PARD3: variants seen among roughly 807,000 people sequenced by gnomAD.
The protein encoded by PARD3 is par-3 family cell polarity regulator, also known as partitioning defective 3 homolog.
Under a neutral mutation model 155.4 loss-of-function variants are expected in PARD3, and 75 were observed. That is an observed-to-expected ratio of 0.48 (90% CI 0.40 to 0.58). PARD3 has a LOEUF of 0.58. PARD3 is among the 20% of genes least tolerant of loss of function. The pLI is 0.00. For missense variants in PARD3, 1,642 were observed against 1,721.7 expected, an observed-to-expected ratio of 0.95 and a Z score of 0.82; for synonymous variants, 576 against 610.5, an observed-to-expected ratio of 0.94 and a Z score of 0.83.
intron 20 of PARD3, among the ~76,000 whole-genome samples, chr10:34,284,960 A>G (rs1489716328): frequency 6.6e-6 from 1 of 152,216 alleles, no homozygotes; most frequent in African/African-American, 2.4e-5. Flanking sequence ...ATGGGTGCTG[A>G]GCTCTTTAAG....
chr10:34,153,488 G>A (rs1948869998), intron 22 of PARD3, among the ~76,000 whole-genome samples: 1 of 152,120 alleles, frequency 6.6e-6, no homozygotes, highest in South Asian at 2.1e-4. Flanking sequence ...GACAATTGAA[G>A]TCCTTAATGT....
chr10:34,789,124 C>T (rs1484765461), intron 1 of PARD3, among the ~76,000 whole-genome samples: 6 of 152,128 alleles, frequency 3.9e-5, no homozygotes, highest in South Asian at 2.1e-4. Context: ...AAGTGCTATA[C>T]GACCTCTAAA....
intron 20 of PARD3, among the ~76,000 whole-genome samples, chr10:34,315,165 T>C (rs1274086968): frequency 6.6e-6 from 1 of 152,184 alleles, no homozygotes; most frequent in Non-Finnish European, 1.5e-5. Flanking sequence ...AGGCTGTAGA[T>C]AATGATCTAG....
intron 2 of PARD3, among the ~76,000 whole-genome samples, chr10:34,582,851 A>G (rs2087620834): frequency 1.3e-5 from 2 of 152,244 alleles, no homozygotes; most frequent in African/African-American, 4.8e-5. Context: ...AAAGCATCCT[A>G]AAAGGGAAAC....
chr10:34,296,959 C>T (rs1304595893), intron 20 of PARD3, among the ~76,000 whole-genome samples: 1 of 152,126 alleles, frequency 6.6e-6, no homozygotes, highest in African/African-American at 2.4e-5. Context: ...AACTGACCAA[C>T]AAACAAGACC....
intron 1 of PARD3, among the ~76,000 whole-genome samples, chr10:34,782,515 CACA>C (rs1184893370): frequency 6.6e-6 from 1 of 152,290 alleles, no homozygotes; most frequent in Non-Finnish European, 1.5e-5. Context: ...CTTTAATCCT[CACA>C]ACGACATCAA....
intron 1 of PARD3, among the ~76,000 whole-genome samples, chr10:34,763,824 T>C (rs1003940481): frequency 6.6e-6 from 1 of 152,226 alleles, no homozygotes; most frequent in Non-Finnish European, 1.5e-5. Flanking sequence ...CCACCATGTA[T>C]ACTGGGTAGA....
chr10:34,338,031 G>A (rs562264766), intron 16 of PARD3, among the ~76,000 whole-genome samples: 1 of 152,340 alleles, frequency 6.6e-6, no homozygotes, highest in South Asian at 2.1e-4. Flanking sequence ...CAGGTACGTA[G>A]ATCCAAATAA....
intron 22 of PARD3, among the ~76,000 whole-genome samples, chr10:34,131,837 TAA>T (rs1220653018): frequency 1.3e-5 from 2 of 152,090 alleles, no homozygotes; most frequent in African/African-American, 4.8e-5. Flanking sequence ...CACTGTTCTT[TAA>T]AAGTTTCATT....
chr10:34,115,201 C>A (rs147924724), intron 24 of PARD3, among the ~76,000 whole-genome samples: 5 of 152,050 alleles, frequency 3.3e-5, no homozygotes, highest in African/African-American at 7.2e-5. Context: ...GGAGAGAACG[C>A]GGGAGGGTGC....
chr10:34,561,748 T>C (rs1036176405), intron 2 of PARD3, among the ~76,000 whole-genome samples: 1 of 151,484 alleles, frequency 6.6e-6, no homozygotes, highest in African/African-American at 2.4e-5. Flanking sequence ...GAACTCCCAA[T>C]CTCAGGTGAT....
At position 34,395,843 on chromosome 10, in the gene PARD3, CAAAAAAAAAAAAAAA is replaced by C. The variant is rs1173283584; in HGVS notation, c.890+3472_890+3486del. Reference sequence around the variant, plus strand: ...TGGGCGACAGAGCGAGACTCCGTCTCAAAAAAAAAAAAAAAAAAAAAAAAGAAAAACATCATCATG... The same window carrying C: ...TGGGCGACAGAGCGAGACTCCGTCTCAAAAAAAAAGAAAAACATCATCATG... On this transcript the variant is annotated intron_variant, in intron 7 of 24. Coordinates refer to ENST00000374788, the MANE Select transcript of PARD3 (RefSeq NM_001184785.2). Among the ~76,000 whole-genome samples the C allele has an allele frequency of 1.3e-4, 3 of 23,298 alleles. 1 individual carries two copies. The highest frequency in any genetic ancestry group is 1.7e-4 in the Non-Finnish European group (3 of 17,420). 15.3% of individuals were successfully genotyped at this position (23,298 alleles called of 152,430 possible). A position where few individuals can be genotyped will look rare whatever the true frequency, so the allele number is the denominator to read the frequency against.
rs75541182 is a variant in PARD3, at chr10:34,809,528, G to A, written c.120+5348C>T. On this transcript the variant is annotated intron_variant, in intron 1 of 24. Coordinates refer to ENST00000374788, the MANE Select transcript of PARD3 (RefSeq NM_001184785.2). The stretch of plus-strand genomic sequence containing the variant: ...GATGGCTGTCTGGGCTAAGACTCAC[G>A]AATGAGTGCAAGGAAGGAGCAAATG... 5.8e-3 allele frequency among the ~76,000 whole-genome samples: 883 copies of A among 152,312 alleles called. 5 individuals are homozygous for A. Among genetic ancestry groups the A allele is most frequent in the Non-Finnish European group, 7.5e-3 (507 of 68,034 alleles).
chr10:34,684,126 T>C (rs1244470935), intron 2 of PARD3, among the ~76,000 whole-genome samples: 1 of 152,206 alleles, frequency 6.6e-6, no homozygotes, highest in Non-Finnish European at 1.5e-5. Flanking sequence ...CAAAAAAAGA[T>C]GTTTCTATTC....
chr10:34,516,960 A>T lies in PARD3; in HGVS notation c.403+19T>A. ...GTAAATTAAGATGAAATGGAAGAGAAGAAAGAGCTTTCACTTACTTGCTCG... is the reference window on the plus strand; with the variant it reads ...GTAAATTAAGATGAAATGGAAGAGATGAAAGAGCTTTCACTTACTTGCTCG... On this transcript the variant is annotated intron_variant, in intron 3 of 24. Transcript: ENST00000374788. 1 of 1,608,322 alleles carries T rather than the reference A, an allele frequency of 6.2e-7. No homozygotes were observed. Among genetic ancestry groups the T allele is most frequent in the Non-Finnish European group, 8.5e-7 (1 of 1,175,144 alleles).
At chr10:34,238,151 C>T (rs1337788351) in intron 22 of PARD3, among the ~76,000 whole-genome samples, 1 of 152,144 alleles carries the variant, frequency 6.6e-6, no homozygotes, top group African/African-American at 2.4e-5. Flanking sequence ...CCTTCTCTTT[C>T]AGATTCAAAA....
chr10:34,695,151 C>T (rs1387007182), intron 2 of PARD3, among the ~76,000 whole-genome samples: 1 of 152,116 alleles, frequency 6.6e-6, no homozygotes, highest in East Asian at 1.9e-4. Context: ...GGCTATGAGC[C>T]CTTCTGCAAT....
intron 22 of PARD3, among the ~76,000 whole-genome samples, chr10:34,205,809 T>C (rs1951446605): frequency 6.6e-6 from 1 of 152,156 alleles, no homozygotes; most frequent in Non-Finnish European, 1.5e-5. Flanking sequence ...TTTGACTTGT[T>C]CCTGCTGTGG....
At chr10:34,176,176 C>T (rs934735425) in intron 22 of PARD3, among the ~76,000 whole-genome samples, 2 of 152,094 alleles carry the variant, frequency 1.3e-5, no homozygotes, top group Non-Finnish European at 2.9e-5. Context: ...GTTTTCTATG[C>T]GTTTGGGCTC....
Sources: allele counts gnomAD v4.1 joint callset (sites outside exome capture counted in the v4.1 genomes callset), GRCh38; gene constraint gnomAD v4.1.1; transcripts MANE v1.5; gene names NCBI Gene and HGNC (gene_info 2026-07-23, HGNC 2026-07-21).